Variants in ADGRL2 observed in about 807,000 individuals in gnomAD.
ADGRL2 encodes the protein calcium-independent alpha-latrotoxin receptor 2.
A neutral mutation model predicts 157.4 loss-of-function variants in ADGRL2; 44 were observed. The ratio of observed to expected loss-of-function variants is 0.28; its 90% CI spans 0.22 to 0.36. ADGRL2 has a LOEUF of 0.36. Ranked by LOEUF, ADGRL2 falls within the 10% of genes least tolerant of loss-of-function variation. The probability of loss-of-function intolerance (pLI) is 1.00; values close to 1 mark genes in which losing one functional copy is unlikely to be tolerated. For missense variants in ADGRL2, 1,510 were observed against 1,768.9 expected, an observed-to-expected ratio of 0.85 and a Z score of 2.63; for synonymous variants, 585 against 624.7, an observed-to-expected ratio of 0.94 and a Z score of 0.95.
In ADGRL2 at chr1:81,755,163, T is replaced by TAG. The variant is rs1192259428; in HGVS notation, c.-142-6647_-142-6646insGA. Among the ~76,000 whole-genome samples, 668 of 144,978 alleles carry TAG rather than the reference T, an allele frequency of 4.6e-3. 3 individuals carry two copies. The highest frequency in any genetic ancestry group is 6.8e-3 in the Non-Finnish European group (455 of 66,722). On this transcript the variant is annotated intron_variant, in intron 1 of 20. Transcript: ENST00000359929. ...ATATATGTGTTTATATATATATATA[T>TAG]ATTTAAAGATATATATAGATTTAAA... is the stretch of plus-strand genomic sequence containing the variant.
intron 1 of ADGRL2, among the ~76,000 whole-genome samples, chr1:81,421,158 T>C (rs2077117362): frequency 6.6e-6 from 1 of 152,172 alleles, no homozygotes; most frequent in African/African-American, 2.4e-5. Flanking sequence ...TAGAGCCTCA[T>C]TTTTTTCTCC....
intron 1 of ADGRL2, chr1:81,721,623 T>C (rs1307113807): frequency 1.5e-6 from 1 of 674,274 alleles, no homozygotes; most frequent in Non-Finnish European, 2.5e-6. Flanking sequence ...TTCTGTGCGG[T>C]CACGCCAAGC....
chr1:81,589,568 C>T (rs745689383), intron 3 of ADGRL2, among the ~76,000 whole-genome samples: 1 of 152,188 alleles, frequency 6.6e-6, no homozygotes, highest in Non-Finnish European at 1.5e-5. Context: ...GTTGGCAGTA[C>T]TCTGCTCAGA....
chr1:81,495,966 C>T (rs1245921856), intron 2 of ADGRL2, among the ~76,000 whole-genome samples: 1 of 152,060 alleles, frequency 6.6e-6, no homozygotes, highest in East Asian at 1.9e-4. Flanking sequence ...AGAAGAATTC[C>T]CTTTCATAGG....
rs879713714 is a variant in ADGRL2 at position 81,588,866 on chromosome 1, A to G, written c.-143+7886A>G. Among the ~76,000 whole-genome samples, 6 of 152,148 alleles carry G rather than the reference A, an allele frequency of 3.9e-5. No individual in the cohort carries two copies. In the South Asian group the frequency reaches 1.0e-3, roughly 26 times the overall value. ...CTAGTCTATTGGCATAAGGAGCTCA[A>G]AGTAATCTGGCAATATCCATAGCTT... On this transcript the variant is annotated intron_variant, in intron 3 of 24. Coordinates refer to the ADGRL2 transcript ENST00000370721.
chr1:81,656,874 G>A (rs2082544917), intron 3 of ADGRL2, among the ~76,000 whole-genome samples: 1 of 151,938 alleles, frequency 6.6e-6, no homozygotes, highest in Non-Finnish European at 1.5e-5. Context: ...GATGGGTGTG[G>A]TGGCACACAC....
At chr1:81,649,773 T>C (rs550112006) in intron 3 of ADGRL2, among the ~76,000 whole-genome samples, 5 of 152,266 alleles carry the variant, frequency 3.3e-5, no homozygotes, top group Admixed American at 6.5e-5. Flanking sequence ...AAGGTCATGA[T>C]GAGGAGCACA....
At chr1:81,702,126 TGAAGAG>T (rs1201873023) in intron 1 of ADGRL2, among the ~76,000 whole-genome samples, 1 of 152,170 alleles carries the variant, frequency 6.6e-6, no homozygotes. Flanking sequence ...AAGAATATAT[TGAAGAG>T]GAAGGCTGTC....
At chr1:81,320,075 T>C (rs901177989) in intron 1 of ADGRL2, among the ~76,000 whole-genome samples, 7 of 152,224 alleles carry the variant, frequency 4.6e-5, no homozygotes, top group African/African-American at 1.7e-4. Context: ...TCCAAATCCT[T>C]TGTTGTCATT....
At chr1:81,652,816 G>A (rs566421263) in intron 3 of ADGRL2, among the ~76,000 whole-genome samples, 2 of 152,294 alleles carry the variant, frequency 1.3e-5, no homozygotes, top group East Asian at 3.9e-4. Flanking sequence ...TCTCCCCAGA[G>A]TGAGGGGGTG....
At chr1:81,928,784 T>G (rs925591855) in intron 3 of ADGRL2, among the ~76,000 whole-genome samples, 3 of 152,102 alleles carry the variant, frequency 2.0e-5, no homozygotes, top group African/African-American at 7.2e-5. Flanking sequence ...GTATGTTTTG[T>G]TTATACTTGG....
intron 3 of ADGRL2, among the ~76,000 whole-genome samples, chr1:81,910,807 T>C (rs2148400931): frequency 6.6e-6 from 1 of 151,978 alleles, no homozygotes; most frequent in South Asian, 2.1e-4. Context: ...TCTCAAAAAA[T>C]GTGATATTCA....
intron 1 of ADGRL2, among the ~76,000 whole-genome samples, chr1:81,740,070 T>G (rs557112457): frequency 2.0e-5 from 3 of 152,288 alleles, no homozygotes; most frequent in Admixed American, 1.3e-4. Flanking sequence ...AATATTATGA[T>G]GTCAAAGGAA....
At chr1:81,337,958 T>A (rs927485859) in intron 1 of ADGRL2, among the ~76,000 whole-genome samples, 1 of 152,170 alleles carries the variant, frequency 6.6e-6, no homozygotes, top group Non-Finnish European at 1.5e-5. Context: ...AAATTTCAAT[T>A]CCCATTTTTT....
At chr1:81,669,942 C>CA (rs11389637) in intron 3 of ADGRL2, among the ~76,000 whole-genome samples, 43,001 of 87,578 alleles carry the variant, frequency 0.49, 8,899 homozygotes, top group African/African-American at 0.52. Context: ...GACTACGTCT[C>CA]AAAAAAAAAA....
chr1:81,549,059 T>C (rs529533147), intron 2 of ADGRL2, among the ~76,000 whole-genome samples: 1 of 152,344 alleles, frequency 6.6e-6, no homozygotes, highest in Admixed American at 6.5e-5. Flanking sequence ...CCCTCTCCCA[T>C]GTTTGCTGCA....
intron 1 of ADGRL2, among the ~76,000 whole-genome samples, chr1:81,325,783 C>T (rs922601379): frequency 3.3e-5 from 5 of 152,248 alleles, no homozygotes; most frequent in African/African-American, 1.2e-4. Context: ...TACCCACAGA[C>T]GTATAGTCAT....
chr1:81,873,339 G>T (rs2093747831), intron 2 of ADGRL2, among the ~76,000 whole-genome samples: 1 of 152,056 alleles, frequency 6.6e-6, no homozygotes, highest in African/African-American at 2.4e-5. Context: ...TTTTTGCTAT[G>T]TGAGTACTTG....
chr1:81,370,486 A>G (rs2076143421), intron 1 of ADGRL2, among the ~76,000 whole-genome samples: 1 of 152,166 alleles, frequency 6.6e-6, no homozygotes, highest in Non-Finnish European at 1.5e-5. Flanking sequence ...ACCATATTGT[A>G]TATACCAAAG....
Sources: gnomAD v4.1 joint callset for allele counts (sites outside exome capture counted in the v4.1 genomes callset) on GRCh38, gnomAD v4.1.1 for gene constraint, MANE v1.5 for transcripts, NCBI Gene and HGNC (gene_info 2026-07-23, HGNC 2026-07-21) for gene names.